Variants in VWDE observed in about 807,000 individuals in gnomAD.
VWDE encodes von Willebrand factor D and EGF domain-containing protein.
A neutral mutation model predicts 178.4 loss-of-function variants in VWDE; 207 were observed. That is an observed-to-expected ratio of 1.16 (90% CI 1.04 to 1.30). The LOEUF is 1.30. Ranked by LOEUF, VWDE falls within the 50% of genes most tolerant of loss-of-function variation. VWDE has a pLI of 0.00. For synonymous variants in VWDE, 738 were observed against 651.4 expected (o/e 1.13, Z -2.02); for missense variants, 2,287 against 1,901.3 (o/e 1.20, Z -3.77).
chr7:12,373,146 T>C lies in VWDE; in HGVS notation c.1418A>G (p.Tyr473Cys), dbSNP rs1783305289. The stretch of plus-strand genomic sequence containing the variant: ...AAACCCACAATTACATGACACTGGA[T>C]AGTGAAGGCTTCTGCAGTCCCACTG... ...VRQWDCRSLHYPVSCNCGFVA... is the reference protein window; with the variant it reads ...VRQWDCRSLHCPVSCNCGFVA... Residue 473 changes from tyrosine to cysteine, a missense_variant, in exon 10 of 29, where the codon TAT becomes TGT. Tyr to Cys is a radical substitution (Grantham distance 194). Coordinates refer to ENST00000275358, the MANE Select transcript of VWDE (RefSeq NM_001135924.3). 6.4e-7 allele frequency: 1 copy of C among 1,551,260 alleles called. No homozygotes were observed. Among genetic ancestry groups the C allele is most frequent in the Admixed American group, 2.0e-5 (1 of 50,948 alleles).
intron 15 of VWDE, among the ~76,000 whole-genome samples, chr7:12,359,963 A>G (rs1782483320): frequency 6.6e-6 from 1 of 152,076 alleles, no homozygotes; most frequent in Non-Finnish European, 1.5e-5. Context: ...ATGGGAGAAA[A>G]TCTCTCTTTT....
intron 23 of VWDE, 101 bp downstream of exon 23, chr7:12,341,958 C>G (rs1245475745): frequency 1.2e-6 from 1 of 844,086 alleles, no homozygotes; most frequent in Non-Finnish European, 1.9e-6. Context: ...ATCTACCTGT[C>G]TTGTCAGGTC....
At chr7:12,400,449 T>G (rs1784845812) in intron 1 of VWDE, among the ~76,000 whole-genome samples, 1 of 152,058 alleles carries the variant, frequency 6.6e-6, no homozygotes, top group Admixed American at 6.6e-5. Context: ...TATAGATAAC[T>G]TAGATGAGAT....
At chr7:12,344,098 T>A in intron 21 of VWDE, 97 bp downstream of exon 21, 8 of 886,814 alleles carry the variant, frequency 9.0e-6, no homozygotes, top group East Asian at 2.7e-5. Context: ...TATTTTAATA[T>A]ATACACAGTA....
chr7:12,347,093 G>T (rs1183372300), intron 19 of VWDE, among the ~76,000 whole-genome samples: 1 of 152,120 alleles, frequency 6.6e-6, no homozygotes. Context: ...AAGCACAGTT[G>T]TGTCAAAAAA....
chr7:12,381,168 TATC>T (rs1419941252), intron 4 of VWDE, among the ~76,000 whole-genome samples: 1 of 152,226 alleles, frequency 6.6e-6, no homozygotes, highest in African/African-American at 2.4e-5. Flanking sequence ...TAACTCAACT[TATC>T]ATTACTCTGG....
At chr7:12,383,506 A>G (rs1221313148) in intron 4 of VWDE, 30 bp downstream of exon 4, 1 of 1,518,750 alleles carries the variant, frequency 6.6e-7, no homozygotes, top group Non-Finnish European at 8.9e-7. Context: ...TTATAAAAAC[A>G]CTATTAAAAA....
rs1186201821 is a variant in VWDE at position 12,344,301 on chromosome 7, T to C, written c.3983-11A>G. The C allele has an allele frequency of 1.3e-6, 2 of 1,550,908 alleles. No individual in the cohort carries two copies. The highest frequency in any genetic ancestry group is 8.7e-7 in the Non-Finnish European group (1 of 1,146,486). ...CAGGGTCACAAAGAGCTGTATAAAA[T>C]AAAGCCCAAGTTTTAGACATATCAA... On this transcript the variant is annotated splice_polypyrimidine_tract_variant and intron_variant, in intron 20 of 28. Transcript: ENST00000275358.
chr7:12,337,409 A>T, intron 24 of VWDE, 137 bp from the exon 25 acceptor site: 1 of 780,048 alleles, frequency 1.3e-6, no homozygotes, highest in African/African-American at 1.7e-5. Flanking sequence ...CACTCATTAA[A>T]CCTGTCCTTT....
chr7:12,389,270 G>A lies in VWDE; in HGVS notation c.332C>T (p.Thr111Ile), dbSNP rs1453032270. The change falls in exon 3 of 29, where the codon ACA (threonine) becomes ATA (isoleucine). Residue 111 changes from threonine to isoleucine, a missense_variant. Transcript: ENST00000275358. ...CAAAAACTGCCATGTTGCACAAGCT[G>A]TCAATTGCTTGATCTCCCCAGGAGA... The part of the protein sequence containing the change: ...LPSPGEIKQL[T>I]ACATWQFLFS... 2 of 1,551,696 alleles carry A rather than the reference G, an allele frequency of 1.3e-6. No homozygotes were observed. Among genetic ancestry groups the A allele is most frequent in the Non-Finnish European group, 1.7e-6 (2 of 1,146,996 alleles).
Position 12,373,061 on chromosome 7 carries a change from T to C in VWDE, c.1503A>G (p.Glu501=). Reference sequence around the variant, plus strand: ...TTTTTATGAACAAATATGGTTGTGATTCACGTAGCTGACCATTGCACATAT... The same window carrying C: ...TTTTTATGAACAAATATGGTTGTGACTCACGTAGCTGACCATTGCACATAT... ...TFDMCNGQLR[E]SQPYLFIKSQ... Residue 501 remains glutamate, a synonymous_variant, in exon 10 of 29, where the codon GAA becomes GAG. Transcript: ENST00000275358. 6.4e-7 allele frequency: 1 copy of C among 1,551,306 alleles called. No homozygotes were observed. The highest frequency in any genetic ancestry group is 1.2e-5 in the South Asian group (1 of 84,056).
chr7:12,399,310 C>T (rs1418026533), intron 1 of VWDE, among the ~76,000 whole-genome samples: 1 of 152,042 alleles, frequency 6.6e-6, no homozygotes, highest in Non-Finnish European at 1.5e-5. Context: ...GAACTTGAAA[C>T]ATAAACGTCT....
chr7:12,346,890 A>G (rs1438187922), intron 19 of VWDE, among the ~76,000 whole-genome samples: 2 of 152,246 alleles, frequency 1.3e-5, no homozygotes, highest in East Asian at 1.9e-4. Context: ...AAATCAAACC[A>G]AAACCAGAAA....
rs572773726 is a variant in VWDE at position 12,396,504 on chromosome 7, A to G, written c.59-2726T>C. 5.9e-4 allele frequency among the ~76,000 whole-genome samples: 90 copies of G among 152,338 alleles called. 3 individuals carry two copies. The South Asian group carries it at 0.018, about 31-fold the overall frequency. ...TAACTTCTTCAAAGATTTGAGAAAGAGAAAAACCACTTTTGATCCCCAAAT... is the reference window on the plus strand; with the variant it reads ...TAACTTCTTCAAAGATTTGAGAAAGGGAAAAACCACTTTTGATCCCCAAAT... On this transcript the variant is annotated intron_variant, in intron 1 of 28. Coordinates refer to ENST00000275358, the MANE Select transcript of VWDE (RefSeq NM_001135924.3).
rs1783120219 is a variant in VWDE, at chr7:12,370,422, G to A, written c.1884C>T (p.Asp628=). ...GKPSYCSCSL[D]TAAYPSSEDL... ...CTTCGGAAGACGGATACGCTGCAGTGTCCAATGAACAGCTACAATAGGATG... is the reference window on the plus strand; with the variant it reads ...CTTCGGAAGACGGATACGCTGCAGTATCCAATGAACAGCTACAATAGGATG... The change falls in exon 12 of 29, where the codon GAC becomes GAT. Residue 628 remains aspartate, a synonymous_variant. Coordinates refer to ENST00000275358, the MANE Select transcript of VWDE (RefSeq NM_001135924.3). 1 of 1,546,148 alleles carries A rather than the reference G, an allele frequency of 6.5e-7. No homozygotes were observed. Among genetic ancestry groups the A allele is most frequent in the Non-Finnish European group, 8.7e-7 (1 of 1,146,754 alleles).
At chr7:12,373,903 G>T (rs1480323576) in intron 9 of VWDE, among the ~76,000 whole-genome samples, 1 of 152,088 alleles carries the variant, frequency 6.6e-6, no homozygotes, top group Non-Finnish European at 1.5e-5. Flanking sequence ...TTGCCCGTTA[G>T]ATCAGTTCCT....
Position 12,362,457 on chromosome 7 carries a change from T to C in VWDE, c.2899-936A>G, listed in dbSNP as rs560557646. Among the ~76,000 whole-genome samples the C allele has an allele frequency of 3.3e-5, 5 of 152,230 alleles. No individual in the cohort carries two copies. The South Asian group carries it at 1.0e-3, about 32-fold the overall frequency. The stretch of plus-strand genomic sequence containing the variant: ...TAATAACTCAGTGACACATTATGCT[T>C]AAGCTACACTTTTAGTATTGTTTTT... On this transcript the variant is annotated intron_variant, in intron 13 of 28. Coordinates refer to ENST00000275358, the MANE Select transcript of VWDE (RefSeq NM_001135924.3).
chr7:12,337,619 T>C (rs1444134091), intron 24 of VWDE, among the ~76,000 whole-genome samples: 1 of 152,118 alleles, frequency 6.6e-6, no homozygotes, highest in Non-Finnish European at 1.5e-5. Context: ...TAGCTCAAAA[T>C]AAGAATGTGC....
intron 5 of VWDE, among the ~76,000 whole-genome samples, chr7:12,379,795 T>G (rs1783739361): frequency 6.6e-6 from 1 of 152,092 alleles, no homozygotes; most frequent in African/African-American, 2.4e-5. Context: ...ATTTAGGATG[T>G]TTTTAAAAAG....
Sources: allele counts gnomAD v4.1 joint callset (sites outside exome capture counted in the v4.1 genomes callset), GRCh38; gene constraint gnomAD v4.1.1; transcripts MANE v1.5; gene names NCBI Gene and HGNC (gene_info 2026-07-23, HGNC 2026-07-21).